The following GRM3 variants were observed in gnomAD, a reference collection of about 807,000 sequenced individuals.
GRM3 encodes metabotropic glutamate receptor 3.
GRM3 carries 26 observed loss-of-function variants against 70.5 expected under a neutral mutation model. That is an observed-to-expected ratio of 0.37 (90% confidence interval 0.27 to 0.51). GRM3 has a LOEUF of 0.51. Ranked by LOEUF, GRM3 falls within the 20% of genes least tolerant of loss-of-function variation. The pLI is 0.93. For missense variants in GRM3, 859 were observed against 1,123.8 expected (o/e 0.76, Z 3.37); for synonymous variants, 443 against 434.9 (o/e 1.02, Z -0.23).
Position 86,765,020 on chromosome 7 carries a change from G to T in GRM3, c.-126G>T. 1 of 1,471,520 alleles carries T rather than the reference G, an allele frequency of 6.8e-7. No individual in the cohort carries two copies. 91.2% of individuals were successfully genotyped at this position (1,471,520 alleles called of 1,614,324 possible). A position where few individuals can be genotyped will look rare whatever the true frequency, so the allele number is the denominator to read the frequency against. On this transcript the variant is annotated 5_prime_UTR_variant, in exon 2 of 6. Coordinates refer to ENST00000361669, the MANE Select transcript of GRM3 (RefSeq NM_000840.3). ...TATCTCTTTAGGAATTTTGTGACAG[G>T]CTCTGTTAGTCTGTTCCTCCCTTAT... is the stretch of plus-strand genomic sequence containing the variant.
intron 3 of GRM3, among the ~76,000 whole-genome samples, chr7:86,808,724 C>T (rs1797848902): frequency 6.6e-6 from 1 of 151,920 alleles, no homozygotes. Context: ...GTCAAATGAG[C>T]AGAGACCTGA....
At chr7:86,743,379 C>T (rs1453311309) in intron 1 of GRM3, among the ~76,000 whole-genome samples, 1 of 152,074 alleles carries the variant, frequency 6.6e-6, no homozygotes, top group Non-Finnish European at 1.5e-5. Flanking sequence ...GCACAATAAA[C>T]ATAGTCTCTG....
intron 1 of GRM3, among the ~76,000 whole-genome samples, chr7:86,709,257 A>G (rs907136739): frequency 6.6e-6 from 1 of 151,926 alleles, no homozygotes; most frequent in Non-Finnish European, 1.5e-5. Context: ...GGTCCCCGTA[A>G]CCGCAATGAG....
intron 3 of GRM3, among the ~76,000 whole-genome samples, chr7:86,831,834 TCAAA>T (rs1322785259): frequency 5.3e-4 from 79 of 148,848 alleles, no homozygotes; most frequent in African/African-American, 1.8e-3. Context: ...GTATCTTTTC[TCAAA>T]CATTCACTTT....
In GRM3 at chr7:86,864,416, G is replaced by A; in HGVS notation, c.*61G>A. Reference sequence around the variant, plus strand: ...TGTTAGACAAAAGTGCTCACGTGCAGCTCCAGAATATGGAAACAGAGCAAA... The same window carrying A: ...TGTTAGACAAAAGTGCTCACGTGCAACTCCAGAATATGGAAACAGAGCAAA... On this transcript the variant is annotated 3_prime_UTR_variant, in exon 6 of 6. Coordinates refer to ENST00000361669, the MANE Select transcript of GRM3 (RefSeq NM_000840.3). 2 of 1,118,816 alleles carry A rather than the reference G, an allele frequency of 1.8e-6. No homozygotes were observed. Among genetic ancestry groups the A allele is most frequent in the Non-Finnish European group, 2.7e-6 (2 of 727,566 alleles). The allele number at this position is 1,118,816 out of a possible 1,614,324, so 69.3% of individuals were successfully genotyped here. A position where few individuals can be genotyped will look rare whatever the true frequency, so the allele number is the denominator to read the frequency against.
intron 2 of GRM3, among the ~76,000 whole-genome samples, chr7:86,774,268 T>G (rs1796825904): frequency 6.6e-6 from 1 of 152,060 alleles, no homozygotes; most frequent in Non-Finnish European, 1.5e-5. Context: ...GTAGTAGAGG[T>G]GCTTCTACTG....
chr7:86,837,673 A>T (rs1446195019), intron 3 of GRM3, among the ~76,000 whole-genome samples: 1 of 150,306 alleles, frequency 6.7e-6, no homozygotes, highest in Non-Finnish European at 1.5e-5. Flanking sequence ...TTCACTAAGC[A>T]GTGGCACAGC....
At position 86,725,618 on chromosome 7, in the gene GRM3, G is replaced by A. The variant is rs571671960; in HGVS notation, c.-140-39388G>A. 2.0e-5 allele frequency among the ~76,000 whole-genome samples: 3 copies of A among 152,240 alleles called. No homozygotes were observed. The South Asian group carries it at 6.2e-4, about 32-fold the overall frequency. On this transcript the variant is annotated intron_variant, in intron 1 of 5. Coordinates refer to ENST00000361669, the MANE Select transcript of GRM3 (RefSeq NM_000840.3). ...AAGTCTCATTGTAGAAGAGCATGTA[G>A]GACAGCTCTCTTTGGAAAATAAAGT...
chr7:86,863,039 G>C lies in GRM3; in HGVS notation c.2567-1243G>C, dbSNP rs10226297. On this transcript the variant is annotated intron_variant, in intron 5 of 5. Transcript: ENST00000361669. Reference sequence around the variant, plus strand: ...CCAGAGGATCAGCTCCTACTGGTCAGAGTATATACAAATAGACAGGCCAAG... The same window carrying C: ...CCAGAGGATCAGCTCCTACTGGTCACAGTATATACAAATAGACAGGCCAAG... Among the ~76,000 whole-genome samples, 584 of 152,246 alleles carry C rather than the reference G, an allele frequency of 3.8e-3. 4 individuals carry two copies. Among genetic ancestry groups the C allele is most frequent in the African/African-American group, 0.013 (557 of 41,540 alleles).
At chr7:86,732,067 T>C (rs1257100660) in intron 1 of GRM3, among the ~76,000 whole-genome samples, 2 of 152,204 alleles carry the variant, frequency 1.3e-5, no homozygotes, top group Non-Finnish European at 2.9e-5. Context: ...TTCTAATAGC[T>C]ACTTTAACGA....
chr7:86,681,384 C>T (rs953451867), intron 1 of GRM3, among the ~76,000 whole-genome samples: 4 of 152,150 alleles, frequency 2.6e-5, no homozygotes, highest in African/African-American at 7.2e-5. Context: ...TTAAAAGATA[C>T]TATATCTCAT....
At chr7:86,750,496 G>T (rs79402825) in intron 1 of GRM3, among the ~76,000 whole-genome samples, 3,269 of 152,110 alleles carry the variant, frequency 0.021, 105 homozygotes, top group African/African-American at 0.072. Flanking sequence ...AAAAGAAAAA[G>T]CATGAGGAGT....
intron 1 of GRM3, among the ~76,000 whole-genome samples, chr7:86,683,451 C>G (rs972629118): frequency 3.3e-5 from 5 of 152,184 alleles, no homozygotes; most frequent in African/African-American, 1.2e-4. Context: ...GAGGAGACAT[C>G]AGCACGTGGA....
intron 3 of GRM3, among the ~76,000 whole-genome samples, chr7:86,806,286 A>T (rs943148120): frequency 2.6e-5 from 4 of 152,176 alleles, no homozygotes; most frequent in African/African-American, 9.7e-5. Flanking sequence ...GCTGGGTCAA[A>T]TGGTATTTCT....
At chr7:86,710,987 T>C (rs969448043) in intron 1 of GRM3, among the ~76,000 whole-genome samples, 3 of 152,194 alleles carry the variant, frequency 2.0e-5, no homozygotes, top group African/African-American at 7.2e-5. Flanking sequence ...TTATTCATGC[T>C]TTGAACCACT....
intron 1 of GRM3, among the ~76,000 whole-genome samples, chr7:86,658,398 C>T (rs1355303691): frequency 6.6e-6 from 1 of 152,180 alleles, no homozygotes; most frequent in Non-Finnish European, 1.5e-5. Context: ...CTCTCACTCC[C>T]CAGGCCTTCC....
At chr7:86,736,041 T>C (rs2094191521) in intron 1 of GRM3, among the ~76,000 whole-genome samples, 1 of 152,200 alleles carries the variant, frequency 6.6e-6, no homozygotes, top group African/African-American at 2.4e-5. Context: ...TAGCTGACTT[T>C]TTCCACTGTG....
chr7:86,652,802 G>T (rs701336), intron 1 of GRM3, among the ~76,000 whole-genome samples: 98,833 of 151,492 alleles, frequency 0.65, 32,548 homozygotes, highest in East Asian at 0.87. Context: ...GCTGTAAATA[G>T]TCTGTGAAAT....
At chr7:86,821,360 G>A (rs1310623185) in intron 3 of GRM3, among the ~76,000 whole-genome samples, 1 of 152,020 alleles carries the variant, frequency 6.6e-6, no homozygotes, top group East Asian at 1.9e-4. Flanking sequence ...GTTACACAGT[G>A]GTGGAAACAG....
Sources: gnomAD v4.1 joint callset for allele counts (sites outside exome capture counted in the v4.1 genomes callset) on GRCh38, gnomAD v4.1.1 for gene constraint, MANE v1.5 for transcripts, NCBI Gene and HGNC (gene_info 2026-07-23, HGNC 2026-07-21) for gene names.